The following SLC14A2 variants were observed in gnomAD, a reference collection of about 807,000 sequenced individuals.
The protein encoded by SLC14A2 is solute carrier family 14 member 2.
Under a neutral mutation model 104.6 loss-of-function variants are expected in SLC14A2, and 91 were observed. The observed-to-expected ratio is 0.87, with a 90% CI of 0.73 to 1.04. SLC14A2 has a LOEUF of 1.04. Ranked by LOEUF, SLC14A2 falls within the 50% of genes least tolerant of loss-of-function variation. SLC14A2 has a pLI of 0.00. For missense variants in SLC14A2, 1,189 were observed against 1,156.0 expected (o/e 1.03, Z -0.41); for synonymous variants, 476 against 466.4 (o/e 1.02, Z -0.27).
In SLC14A2 at chr18:45,342,911, C is replaced by T. The variant is rs539378867; in HGVS notation, c.-125+129720C>T. Among the ~76,000 whole-genome samples, 6 of 152,274 alleles carry T rather than the reference C, an allele frequency of 3.9e-5. No individual in the cohort carries two copies. The East Asian group carries it at 1.2e-3, about 29-fold the overall frequency. On this transcript the variant is annotated intron_variant, in intron 1 of 20. Transcript: ENST00000586448. Reference sequence around the variant, plus strand: ...ATAGAACTATTTCCAGAGCAGGAAGCTCCAGGTCTACCAATCCCTGTGTAA... The same window carrying T: ...ATAGAACTATTTCCAGAGCAGGAAGTTCCAGGTCTACCAATCCCTGTGTAA...
intron 2 of SLC14A2, among the ~76,000 whole-genome samples, chr18:45,504,594 TCTGGTCAGTAATAGTGAC>T (rs1166332938): frequency 7.9e-5 from 12 of 152,256 alleles, no homozygotes; most frequent in Non-Finnish European, 1.6e-4. Context: ...CTTTCTCTTA[TCTGGTCAGTAATAGTGAC>T]CATTAAGAAA....
Position 45,669,292 on chromosome 18 carries a change from G to T in SLC14A2, c.2037-14G>T, listed in dbSNP as rs767757448. The stretch of plus-strand genomic sequence containing the variant: ...CGGCTTCCTGACCAGCATCTCTCAT[G>T]CTTCTGCCATCAGCCCCATCCTCTC... On this transcript the variant is annotated splice_polypyrimidine_tract_variant and intron_variant, in intron 15 of 19. Coordinates refer to ENST00000255226, the MANE Select transcript of SLC14A2 (RefSeq NM_007163.4). The T allele has an allele frequency of 1.2e-6, 2 of 1,605,442 alleles. No individual in the cohort carries two copies. Among genetic ancestry groups the T allele is most frequent in the Non-Finnish European group, 1.7e-6 (2 of 1,175,182 alleles).
At chr18:45,439,031 C>A (rs1346734811) in intron 1 of SLC14A2, among the ~76,000 whole-genome samples, 1 of 152,142 alleles carries the variant, frequency 6.6e-6, no homozygotes, top group Non-Finnish European at 1.5e-5. Context: ...TGCCTGTAAT[C>A]CCAGAACTTT....
At chr18:45,205,711 C>A in the SLC14A2 span, among the ~76,000 whole-genome samples, 1 of 152,204 alleles carries the variant, frequency 6.6e-6, no homozygotes, top group Non-Finnish European at 1.5e-5. Context: ...ATATTATAAA[C>A]TTGAAGATTC....
At chr18:45,209,611 T>G (rs902740906), upstream of SLC14A2, among the ~76,000 whole-genome samples, 4 of 152,190 alleles carry the variant, frequency 2.6e-5, no homozygotes, top group African/African-American at 9.6e-5. Context: ...AAGATTATTC[T>G]TGACTGGGAA....
intron 1 of SLC14A2, among the ~76,000 whole-genome samples, chr18:45,422,100 C>T (rs78981573): frequency 0.034 from 5,175 of 152,186 alleles, 293 homozygotes; most frequent in African/African-American, 0.12. Context: ...CAAAGAGGCC[C>T]GAGGGTCTTG....
At chr18:45,515,355 G>A (rs1393720594) in intron 2 of SLC14A2, 1 of 152,136 alleles carries the variant, frequency 6.6e-6, no homozygotes, top group African/African-American at 2.4e-5. Context: ...CAAAAACATG[G>A]GTTTTAAGCT....
intron 1 of SLC14A2, among the ~76,000 whole-genome samples, chr18:45,418,558 G>T (rs148902844): frequency 1.3e-5 from 2 of 152,166 alleles, no homozygotes; most frequent in Non-Finnish European, 2.9e-5. Context: ...TCCATGAGTC[G>T]TCAGTAGAGA....
intron 1 of SLC14A2, among the ~76,000 whole-genome samples, chr18:45,240,388 C>T (rs2084301451): frequency 6.6e-6 from 1 of 152,050 alleles, no homozygotes; most frequent in South Asian, 2.1e-4. Flanking sequence ...AGCCACCACG[C>T]CCGGCCCAAA....
At chr18:45,679,201 G>T (rs1022302195) in intron 19 of SLC14A2, among the ~76,000 whole-genome samples, 177 bp downstream of exon 19, 1 of 152,140 alleles carries the variant, frequency 6.6e-6, no homozygotes, top group African/African-American at 2.4e-5. Context: ...GGCCCCAAAA[G>T]TTTACATTTC....
At chr18:45,668,675 G>A (rs915471347) in intron 15 of SLC14A2, among the ~76,000 whole-genome samples, 198 bp downstream of exon 15, 1 of 152,174 alleles carries the variant, frequency 6.6e-6, no homozygotes, top group Non-Finnish European at 1.5e-5. Flanking sequence ...TCCCATTAGC[G>A]ACCACCCTTT....
chr18:45,667,322 T>C (rs1368817675), intron 13 of SLC14A2, among the ~76,000 whole-genome samples: 3 of 152,214 alleles, frequency 2.0e-5, no homozygotes, highest in African/African-American at 7.2e-5. Context: ...TGAGCTCTCA[T>C]TTCTGAACAG....
At chr18:45,630,421 A>C (rs528605878) in intron 4 of SLC14A2, among the ~76,000 whole-genome samples, 1 of 152,130 alleles carries the variant, frequency 6.6e-6, no homozygotes, top group Admixed American at 6.5e-5. Flanking sequence ...GCCTAAGACT[A>C]TACTTTACAG....
chr18:45,256,311 G>A (rs2084477744), intron 1 of SLC14A2, among the ~76,000 whole-genome samples: 1 of 152,212 alleles, frequency 6.6e-6, no homozygotes, highest in Admixed American at 6.5e-5. Flanking sequence ...AACAGGGCCA[G>A]CCCAAAGCTA....
At chr18:45,401,625 G>A (rs2086097031) in intron 1 of SLC14A2, among the ~76,000 whole-genome samples, 1 of 152,196 alleles carries the variant, frequency 6.6e-6, no homozygotes, top group African/African-American at 2.4e-5. Context: ...AAACACAAAA[G>A]TGGCCTAATC....
At chr18:45,656,506 G>A (rs543797556) in intron 10 of SLC14A2, among the ~76,000 whole-genome samples, 11 of 152,314 alleles carry the variant, frequency 7.2e-5, no homozygotes, top group African/African-American at 1.4e-4. Flanking sequence ...TGGTCTAGCC[G>A]CTGAAGCTAA....
intron 10 of SLC14A2, 31 bp downstream of exon 10, chr18:45,644,191 C>T (rs1158825354): frequency 6.2e-7 from 1 of 1,609,002 alleles, no homozygotes; most frequent in Non-Finnish European, 8.5e-7. Context: ...AAGAAACGCT[C>T]TTTGCCTGAC....
chr18:45,357,806 G>T (rs1217793187), intron 1 of SLC14A2, among the ~76,000 whole-genome samples: 1 of 152,138 alleles, frequency 6.6e-6, no homozygotes, highest in Non-Finnish European at 1.5e-5. Context: ...GCTGAAAAAA[G>T]GCTCATTCCC....
intron 1 of SLC14A2, among the ~76,000 whole-genome samples, chr18:45,368,550 C>T (rs1005973675): frequency 9.2e-5 from 14 of 152,140 alleles, no homozygotes; most frequent in African/African-American, 2.2e-4. Flanking sequence ...TTTATAATGT[C>T]GTTTCCCTTG....
Sources: allele counts gnomAD v4.1 joint callset (sites outside exome capture counted in the v4.1 genomes callset), GRCh38; gene constraint gnomAD v4.1.1; transcripts MANE v1.5; gene names NCBI Gene and HGNC (gene_info 2026-07-23, HGNC 2026-07-21).